Variants in AVL9 observed in about 807,000 individuals in gnomAD.
AVL9 encodes AVL9 cell migration associated.
A neutral mutation model predicts 79.2 loss-of-function variants in AVL9; 49 were observed. The observed-to-expected ratio is 0.62, with a 90% CI of 0.49 to 0.79. The LOEUF (loss-of-function observed/expected upper bound fraction) is 0.79. AVL9 is among the 30% of genes least tolerant of loss of function. AVL9 has a pLI of 0.00. For synonymous variants in AVL9, 299 were observed against 280.6 expected (o/e 1.07, Z -0.65); for missense variants, 682 against 776.8 (o/e 0.88, Z 1.45).
intron 13 of AVL9, among the ~76,000 whole-genome samples, chr7:32,579,015 G>A (rs188517374): frequency 5.3e-5 from 8 of 151,828 alleles, no homozygotes; most frequent in East Asian, 3.9e-4. Flanking sequence ...TGATGTGTCC[G>A]TATTTCAATC....
intron 10 of AVL9, among the ~76,000 whole-genome samples, chr7:32,566,869 C>T (rs1265870403): frequency 6.6e-6 from 1 of 152,076 alleles, no homozygotes; most frequent in African/African-American, 2.4e-5. Context: ...GGTGACAGAG[C>T]CAGACTCCGT....
At position 32,587,094 on chromosome 7, in the gene AVL9, T is replaced by G. The variant is rs192763985; in HGVS notation, c.*3187T>G. 2.0e-5 allele frequency: 3 copies of G among 152,346 alleles called. No individual in the cohort carries two copies. In the East Asian group the frequency reaches 5.8e-4, roughly 29 times the overall value. 9.4% of individuals were successfully genotyped at this position (152,346 alleles called of 1,614,324 possible). A position where few individuals can be genotyped will look rare whatever the true frequency, so the allele number is the denominator to read the frequency against. ...AACCAGAGCATATGATGTAACTTGCTCAACCTTATCTTCCTTTCCAAATTC... is the reference window on the plus strand; with the variant it reads ...AACCAGAGCATATGATGTAACTTGCGCAACCTTATCTTCCTTTCCAAATTC... On this transcript the variant is annotated 3_prime_UTR_variant, in exon 16 of 16. Coordinates refer to ENST00000318709, the MANE Select transcript of AVL9 (RefSeq NM_015060.3).
At chr7:32,581,154 C>A (rs1791488259) in intron 15 of AVL9, 1 of 437,152 alleles carries the variant, frequency 2.3e-6, no homozygotes, top group South Asian at 2.7e-5. Flanking sequence ...CCAGAGTTTT[C>A]TTCCCCCATT....
intron 1 of AVL9, among the ~76,000 whole-genome samples, chr7:32,505,519 G>T (rs987979464): frequency 5.4e-5 from 1 of 18,476 alleles, no homozygotes; most frequent in African/African-American, 1.9e-4. Flanking sequence ...GCAAAACTCC[G>T]TCTCAAAAAA....
intron 5 of AVL9, among the ~76,000 whole-genome samples, 181 bp downstream of exon 5, chr7:32,551,604 A>ATTTTTTTTTTTTT (rs1789822905): frequency 1.1e-4 from 2 of 17,788 alleles, no homozygotes; most frequent in African/African-American, 5.0e-4. Context: ...ATTTAACCAA[A>ATTTTTTTTTTTTT]CTTTTTTTTT....
At chr7:32,530,789 AATAAAAATAC>A (rs1292648290) in intron 1 of AVL9, among the ~76,000 whole-genome samples, 1 of 152,132 alleles carries the variant, frequency 6.6e-6, no homozygotes, top group African/African-American at 2.4e-5. Flanking sequence ...CTCTGCTATT[AATAAAAATAC>A]ATAAAAATTA....
intron 1 of AVL9, among the ~76,000 whole-genome samples, chr7:32,520,944 G>T (rs1336769701): frequency 6.6e-6 from 1 of 152,088 alleles, no homozygotes; most frequent in Non-Finnish European, 1.5e-5. Context: ...CTATTCTCGT[G>T]ATAGTGAATA....
chr7:32,566,316 A>G (rs1790566858), intron 10 of AVL9, among the ~76,000 whole-genome samples: 1 of 148,790 alleles, frequency 6.7e-6, no homozygotes, highest in South Asian at 2.2e-4. Flanking sequence ...AGCTGGGACT[A>G]CAGGCACCTG....
At position 32,552,254 on chromosome 7, in the gene AVL9, C is replaced by T. The variant is rs761366987; in HGVS notation, c.488C>T (p.Ser163Phe). 2 of 1,602,596 alleles carry T rather than the reference C, an allele frequency of 1.2e-6. No homozygotes were observed. The highest frequency in any genetic ancestry group is 2.2e-5 in the South Asian group (2 of 90,582). ...GAGCTTTATGAACATATGAATAGTT[C>T]CTTGGGAGGTGCTTCATTAGAAGGA... ...LKELYEHMNS[S>F]LGGASLEGSQ... The change falls in exon 6 of 16, where the codon TCC (serine) becomes TTC (phenylalanine). Residue 163 changes from serine to phenylalanine, a missense_variant. By Grantham distance (155) the Ser-to-Phe change is radical (BLOSUM62 -2). Coordinates refer to ENST00000318709, the MANE Select transcript of AVL9 (RefSeq NM_015060.3).
At chr7:32,502,406 A>AAG (rs1554332456) in intron 1 of AVL9, among the ~76,000 whole-genome samples, 33 of 140,170 alleles carry the variant, frequency 2.4e-4, no homozygotes, top group East Asian at 4.1e-4. Context: ...AAAAAAAAAA[A>AAG]AAAGAAAGAA....
Position 32,495,816 on chromosome 7 carries a change from C to T in AVL9, c.93+14C>T, listed in dbSNP as rs1786772200. The T allele has an allele frequency of 8.0e-7, 1 of 1,253,586 alleles. No individual in the cohort carries two copies. The allele number at this position is 1,253,586 out of a possible 1,614,324, so 77.7% of individuals were successfully genotyped here. On this transcript the variant is annotated intron_variant, in intron 1 of 15. Transcript: ENST00000318709. ...AAGGGCTGCCAGGTGAGGAAAGGGC[C>T]CGCCCCCGCCCCCAGCCGTTCGGGC...
At chr7:32,546,069 C>CTT (rs57046702) in intron 3 of AVL9, among the ~76,000 whole-genome samples, 6 of 99,040 alleles carry the variant, frequency 6.1e-5, no homozygotes, top group Non-Finnish European at 8.2e-5. Context: ...TACCTGGAGA[C>CTT]TTTTTTTTTT....
At chr7:32,512,559 A>G (rs922210135) in intron 1 of AVL9, among the ~76,000 whole-genome samples, 1 of 152,200 alleles carries the variant, frequency 6.6e-6, no homozygotes, top group Admixed American at 6.5e-5. Flanking sequence ...GTCTCTGGAC[A>G]GGATCTTGTA....
At chr7:32,579,204 T>C (rs773495863) in intron 13 of AVL9, among the ~76,000 whole-genome samples, 12 of 145,042 alleles carry the variant, frequency 8.3e-5, no homozygotes, top group Non-Finnish European at 1.0e-4. Flanking sequence ...GGATATTTAT[T>C]GACCCCTCCA....
intron 10 of AVL9, among the ~76,000 whole-genome samples, chr7:32,566,333 C>A (rs974382997): frequency 4.3e-4 from 65 of 149,788 alleles, no homozygotes; most frequent in Non-Finnish European, 8.3e-4. Context: ...CCTGCCACCA[C>A]GCCCAGCTAA....
intron 6 of AVL9, 112 bp from the exon 7 acceptor site, chr7:32,553,615 A>G: frequency 1.4e-6 from 1 of 703,986 alleles, no homozygotes. Flanking sequence ...ATATTTGCAT[A>G]TTCCTACTTT....
chr7:32,536,310 T>G (rs1415058681), intron 1 of AVL9: 1 of 152,186 alleles, frequency 6.6e-6, no homozygotes, highest in East Asian at 1.9e-4. Context: ...GTGGTGCTGG[T>G]TAGTTTAATT....
In AVL9 at chr7:32,559,220, C is replaced by T. The variant is rs891118257; in HGVS notation, c.971C>T (p.Pro324Leu). The T allele has an allele frequency of 1.9e-6, 3 of 1,614,194 alleles. No individual in the cohort carries two copies. The highest frequency in any genetic ancestry group is 2.5e-6 in the Non-Finnish European group (3 of 1,180,042). ...TTGAAACCTCCATCTCGCCCATCTC[C>T]AGATTCTTCAGAAAGTGACTGGGAA... The part of the protein sequence containing the change: ...QYLKPPSRPS[P>L]DSSESDWETL... The change falls in exon 10 of 16, where the codon CCA (proline) becomes CTA (leucine). Residue 324 changes from proline (P) to leucine (L), a missense_variant. Coordinates refer to ENST00000318709, the MANE Select transcript of AVL9 (RefSeq NM_015060.3).
chr7:32,535,936 C>CT, intron 1 of AVL9: 1 of 152,298 alleles, frequency 6.6e-6, no homozygotes, highest in East Asian at 1.9e-4. Flanking sequence ...ATTTCCCCTG[C>CT]TTGCACTCAC....
Sources: gnomAD v4.1 joint callset for allele counts (sites outside exome capture counted in the v4.1 genomes callset) on GRCh38, gnomAD v4.1.1 for gene constraint, MANE v1.5 for transcripts, NCBI Gene and HGNC (gene_info 2026-07-23, HGNC 2026-07-21) for gene names.